The following SLC24A2 variants were observed in gnomAD, a reference collection of about 807,000 sequenced individuals.
The protein encoded by SLC24A2 is solute carrier family 24 member 2.
A neutral mutation model predicts 62.0 loss-of-function variants in SLC24A2; 36 were observed. The observed-to-expected ratio is 0.58, with a 90% CI of 0.44 to 0.77. The LOEUF (loss-of-function observed/expected upper bound fraction) is 0.77, where lower values mean the gene tolerates loss of function less well. Among genes scored for constraint, SLC24A2 ranks in the 30% least tolerant of loss-of-function variants. SLC24A2 has a pLI of 0.00. For synonymous variants in SLC24A2, 358 were observed against 294.0 expected (o/e 1.22, Z -2.23); for missense variants, 846 against 817.9 (o/e 1.03, Z -0.42).
rs1491476004 is a variant in SLC24A2 at position 19,636,326 on chromosome 9, T to TTCTTTTCTTTTCTTTTCTTTTCTTTTC, written c.931-14028_931-14027insGAAAAGAAAAGAAAAGAAAAGAAAAGA. On this transcript the variant is annotated intron_variant, in intron 2 of 10. Coordinates refer to ENST00000341998, the MANE Select transcript of SLC24A2 (RefSeq NM_020344.4). ...TTTCTTTTCTTTTCTTTTCTTTCTT[T>TTCTTTTCTTTTCTTTTCTTTTCTTTTC]CTTTCTTTCTTTCTTTCTTTCTTTC... 1.1e-3 allele frequency among the ~76,000 whole-genome samples: 30 copies of TTCTTTTCTTTTCTTTTCTTTTCTTTTC among 26,898 alleles called. 2 individuals are homozygous for TTCTTTTCTTTTCTTTTCTTTTCTTTTC. The highest frequency in any genetic ancestry group is 1.8e-3 in the Non-Finnish European group (24 of 13,620). The allele number at this position is 26,898 out of a possible 152,430, so 17.6% of individuals were successfully genotyped here.
At chr9:19,783,653 TG>T (rs1055245222) in intron 2 of SLC24A2, among the ~76,000 whole-genome samples, 3 of 152,174 alleles carry the variant, frequency 2.0e-5, no homozygotes, top group African/African-American at 7.2e-5. Context: ...ATCAGGCATA[TG>T]ATAAAGGCTG....
intron 7 of SLC24A2, among the ~76,000 whole-genome samples, chr9:19,555,504 T>C (rs1835042006): frequency 6.6e-6 from 1 of 152,244 alleles, no homozygotes; most frequent in Non-Finnish European, 1.5e-5. Flanking sequence ...CTGTATTTTC[T>C]CAAAACCATT....
chr9:20,143,248 A>G, the SLC24A2 span, among the ~76,000 whole-genome samples: 1 of 152,172 alleles, frequency 6.6e-6, no homozygotes, highest in Non-Finnish European at 1.5e-5. Flanking sequence ...AGCCTTTGCC[A>G]AGAGCATTGT....
At chr9:20,203,002 T>G in the SLC24A2 span, among the ~76,000 whole-genome samples, 1 of 152,200 alleles carries the variant, frequency 6.6e-6, no homozygotes, top group Non-Finnish European at 1.5e-5. Context: ...ATTTCAAGGT[T>G]GGCAAATATT....
chr9:20,038,974 C>T, the SLC24A2 span, among the ~76,000 whole-genome samples: 18 of 151,896 alleles, frequency 1.2e-4, no homozygotes, highest in East Asian at 1.9e-4. Context: ...AAAATGGATG[C>T]GTCTTAAATA....
At chr9:19,822,027 T>G in the SLC24A2 span, among the ~76,000 whole-genome samples, 1 of 152,138 alleles carries the variant, frequency 6.6e-6, no homozygotes, top group Non-Finnish European at 1.5e-5. Context: ...TGAGGCATCA[T>G]CTATAGCAGT....
chr9:20,259,887 G>C, the SLC24A2 span, among the ~76,000 whole-genome samples: 2 of 152,140 alleles, frequency 1.3e-5, no homozygotes, highest in Admixed American at 6.5e-5. Flanking sequence ...CCAGGAGTTT[G>C]AGACCAGCCT....
chr9:19,693,749 T>C lies in SLC24A2; in HGVS notation c.931-71450A>G, dbSNP rs542801729. 4.5e-3 allele frequency among the ~76,000 whole-genome samples: 691 copies of C among 152,218 alleles called. 1 individual carries two copies. Among genetic ancestry groups the C allele is most frequent in the Admixed American group, 0.01 (153 of 15,278 alleles). On this transcript the variant is annotated intron_variant, in intron 2 of 10. Transcript: ENST00000341998. The stretch of plus-strand genomic sequence containing the variant: ...AAGACAGTGTTGGGAAAAGATGAGT[T>C]TGATTTTTATAAAGGTGATTTCCGA...
chr9:20,262,812 C>T, the SLC24A2 span, among the ~76,000 whole-genome samples: 1 of 152,200 alleles, frequency 6.6e-6, no homozygotes, highest in Non-Finnish European at 1.5e-5. Flanking sequence ...TCGTCACGCC[C>T]TCCTAGGTGT....
chr9:20,144,465 T>C, the SLC24A2 span, among the ~76,000 whole-genome samples: 8 of 152,194 alleles, frequency 5.3e-5, 1 homozygote, highest in African/African-American at 1.7e-4. Flanking sequence ...CACACGTCTT[T>C]CCTGTCGGGC....
intron 4 of SLC24A2, among the ~76,000 whole-genome samples, chr9:19,603,635 T>C (rs530464402): frequency 1.1e-3 from 172 of 152,272 alleles, no homozygotes; most frequent in African/African-American, 3.9e-3. Context: ...GCCCTGGCCT[T>C]ATTCTGAGGC....
the SLC24A2 span, among the ~76,000 whole-genome samples, chr9:19,824,512 A>G: frequency 4.6e-5 from 7 of 152,206 alleles, no homozygotes; most frequent in African/African-American, 1.7e-4. Context: ...TTAAAAAGTC[A>G]GGAAACAACA....
At chr9:20,152,663 G>T in the SLC24A2 span, among the ~76,000 whole-genome samples, 1 of 151,932 alleles carries the variant, frequency 6.6e-6, no homozygotes, top group African/African-American at 2.4e-5. Context: ...AAAAAGGACA[G>T]CTGTGTCCAG....
At chr9:19,909,877 C>T in the SLC24A2 span, among the ~76,000 whole-genome samples, 1 of 152,000 alleles carries the variant, frequency 6.6e-6, no homozygotes, top group Non-Finnish European at 1.5e-5. Context: ...GCACAACTTC[C>T]CTTTGTTATG....
intron 4 of SLC24A2, among the ~76,000 whole-genome samples, chr9:19,600,475 T>C (rs1055429315): frequency 3.4e-4 from 51 of 152,102 alleles, no homozygotes; most frequent in African/African-American, 1.2e-3. Context: ...TTATGGAAAA[T>C]ATGGTGAAAG....
chr9:19,746,811 G>C lies in SLC24A2; in HGVS notation c.930+39126C>G, dbSNP rs115438682. ...TCACACTTATCTTGTTGATTTATGA[G>C]ACAGCTAGCAAGAACCTTTGCAAAA... is the stretch of plus-strand genomic sequence containing the variant. On this transcript the variant is annotated intron_variant, in intron 2 of 10. Transcript: ENST00000341998. 1.6e-3 allele frequency among the ~76,000 whole-genome samples: 242 copies of C among 152,232 alleles called. 2 individuals are homozygous for C. The highest frequency in any genetic ancestry group is 5.5e-3 in the African/African-American group (228 of 41,556).
the SLC24A2 span, among the ~76,000 whole-genome samples, chr9:20,256,193 G>C: frequency 6.6e-6 from 1 of 152,192 alleles, no homozygotes; most frequent in Non-Finnish European, 1.5e-5. Context: ...TGGGGATTAA[G>C]CTTCCAAAGC....
chr9:20,043,370 G>T, the SLC24A2 span, among the ~76,000 whole-genome samples: 1 of 152,158 alleles, frequency 6.6e-6, no homozygotes. Context: ...CAGTAATTTT[G>T]ACTTTCAAGT....
chr9:19,940,641 A>AT, the SLC24A2 span, among the ~76,000 whole-genome samples: 1 of 152,060 alleles, frequency 6.6e-6, no homozygotes. Context: ...TGGGCTTACT[A>AT]TGTCAGTGAG....
Sources: gnomAD v4.1 joint callset for allele counts (sites outside exome capture counted in the v4.1 genomes callset) on GRCh38, gnomAD v4.1.1 for gene constraint, MANE v1.5 for transcripts, NCBI Gene and HGNC (gene_info 2026-07-23, HGNC 2026-07-21) for gene names.